The following GABRR3 variants were observed in gnomAD, a reference collection of about 807,000 sequenced individuals.
GABRR3 encodes gamma-aminobutyric acid type A receptor subunit rho3.
Under a neutral mutation model 43.2 loss-of-function variants are expected in GABRR3, and 29 were observed. That is an observed-to-expected ratio of 0.67 (90% confidence interval 0.50 to 0.92). GABRR3 has a LOEUF of 0.92. Among genes scored for constraint, GABRR3 ranks in the 40% least tolerant of loss-of-function variants. The probability of loss-of-function intolerance (pLI) is 0.00; values close to 1 mark genes in which losing one functional copy is unlikely to be tolerated. For synonymous variants in GABRR3, 206 were observed against 195.9 expected (o/e 1.05, Z -0.43); for missense variants, 576 against 572.3 (o/e 1.01, Z -0.07).
At chr3:97,996,795 T>G (rs1421558274) in intron 8 of GABRR3, among the ~76,000 whole-genome samples, 2 of 152,246 alleles carry the variant, frequency 1.3e-5, no homozygotes, top group East Asian at 3.8e-4. Flanking sequence ...CTATTATCTC[T>G]TATGAGAATT....
chr3:98,009,776 G>T (rs138944046), intron 5 of GABRR3, among the ~76,000 whole-genome samples: 1 of 152,200 alleles, frequency 6.6e-6, no homozygotes. Flanking sequence ...GCTCCTACCT[G>T]TGGTGCCCTT....
At chr3:97,986,808 A>T in exon 10 of GABRR3, 1 of 1,612,110 alleles carries the variant, frequency 6.2e-7, no homozygotes, top group South Asian at 1.1e-5. Flanking sequence ...CCTCCTAGGG[A>T]TTTTCTTCTC....
At chr3:97,985,157 T>C (rs1435069678), downstream of GABRR3, among the ~76,000 whole-genome samples, 1 of 152,232 alleles carries the variant, frequency 6.6e-6, no homozygotes, top group Non-Finnish European at 1.5e-5. Context: ...AAAATAGGTA[T>C]CGGAATATTT....
intron 2 of GABRR3, among the ~76,000 whole-genome samples, chr3:98,029,288 A>C (rs928076089): frequency 6.6e-6 from 1 of 152,170 alleles, no homozygotes; most frequent in Non-Finnish European, 1.5e-5. Context: ...TTCCTGGGTC[A>C]CACAAAGAAA....
chr3:97,990,227 GC>G (rs767480525), intron 9 of GABRR3, among the ~76,000 whole-genome samples: 3 of 152,148 alleles, frequency 2.0e-5, no homozygotes, highest in Non-Finnish European at 4.4e-5. Flanking sequence ...CATCATAACA[GC>G]CCTGTGAAGT....
chr3:98,034,181 TGA>T, intron 2 of GABRR3, among the ~76,000 whole-genome samples: 2 of 152,246 alleles, frequency 1.3e-5, no homozygotes, highest in South Asian at 4.1e-4. Flanking sequence ...GGTAGTAGGG[TGA>T]CAAATCATTC....
intron 5 of GABRR3, among the ~76,000 whole-genome samples, chr3:98,009,836 T>C (rs1443776285): frequency 6.6e-6 from 1 of 152,228 alleles, no homozygotes; most frequent in African/African-American, 2.4e-5. Context: ...GCTAATTCTA[T>C]TGTCAATAGT....
chr3:98,023,039 T>G (rs540483325), intron 3 of GABRR3, among the ~76,000 whole-genome samples: 1 of 152,002 alleles, frequency 6.6e-6, no homozygotes, highest in South Asian at 2.1e-4. Context: ...TCTACAGGAG[T>G]GCTTCTCAAA....
At chr3:98,005,261 T>A (rs959369605) in intron 7 of GABRR3, among the ~76,000 whole-genome samples, 68 of 151,964 alleles carry the variant, frequency 4.5e-4, no homozygotes, top group Middle Eastern at 3.4e-3. Context: ...CAGATATGTA[T>A]ATAAGCACTC....
intron 8 of GABRR3, among the ~76,000 whole-genome samples, chr3:97,994,218 C>A (rs963495890): frequency 1.3e-5 from 2 of 152,230 alleles, no homozygotes; most frequent in African/African-American, 4.8e-5. Context: ...ACTGCTTTCA[C>A]CAACACCTTT....
At chr3:98,007,035 G>C (rs1440387434) in intron 7 of GABRR3, among the ~76,000 whole-genome samples, 2 of 152,106 alleles carry the variant, frequency 1.3e-5, no homozygotes, top group Non-Finnish European at 2.9e-5. Context: ...AGAAGAAATG[G>C]TGAGCAAGGC....
chr3:98,017,676 G>C, exon 4 of GABRR3: 1 of 1,610,736 alleles, frequency 6.2e-7, no homozygotes, highest in Non-Finnish European at 8.5e-7. Flanking sequence ...CTGAAATGCT[G>C]TCAATGCTTT....
intron 3 of GABRR3, among the ~76,000 whole-genome samples, chr3:98,021,265 T>A (rs917954837): frequency 2.0e-5 from 3 of 151,930 alleles, no homozygotes; most frequent in Non-Finnish European, 4.4e-5. Context: ...GAGTAGAGAG[T>A]GAGCAGCATG....
downstream of GABRR3, among the ~76,000 whole-genome samples, chr3:97,985,754 T>C (rs1273474975): frequency 6.6e-6 from 1 of 152,210 alleles, no homozygotes; most frequent in East Asian, 1.9e-4. Flanking sequence ...TATTGATGAC[T>C]GATGTATTAA....
chr3:98,005,210 AACACACACACAC>A (rs60490447), intron 7 of GABRR3, among the ~76,000 whole-genome samples: 1 of 147,930 alleles, frequency 6.8e-6, no homozygotes, highest in African/African-American at 2.5e-5. Flanking sequence ...CTAGGCTTTT[AACACACACACAC>A]ACACACACAC....
chr3:98,011,107 AC>A lies in GABRR3; in HGVS notation c.530+1236del, dbSNP rs376863607. On this transcript the variant is annotated intron_variant, in intron 5 of 9. Coordinates refer to ENST00000621172, the Ensembl canonical transcript of GABRR3. Reference sequence around the variant, plus strand: ...ACAGTGAGGCCCTGTTCCTCCCCCAACCCCCCCAAAAAACCCATTGAAAGTG... The same window carrying A: ...ACAGTGAGGCCCTGTTCCTCCCCCAACCCCCCAAAAAACCCATTGAAAGTG... 7.9e-5 allele frequency among the ~76,000 whole-genome samples: 12 copies of A among 151,880 alleles called. No homozygotes were observed. In the East Asian group the frequency reaches 9.7e-4, roughly 12 times the overall value.
intron 5 of GABRR3, among the ~76,000 whole-genome samples, chr3:98,011,976 G>C (rs1407355576): frequency 6.6e-6 from 1 of 152,192 alleles, no homozygotes; most frequent in Non-Finnish European, 1.5e-5. Flanking sequence ...ACTAAGAAAA[G>C]TTATTTAGCT....
intron 9 of GABRR3, among the ~76,000 whole-genome samples, chr3:97,991,757 A>G (rs1419211515): frequency 6.6e-6 from 1 of 152,208 alleles, no homozygotes; most frequent in Non-Finnish European, 1.5e-5. Flanking sequence ...TCGGTGTGAG[A>G]AGAGGATATA....
At chr3:97,992,351 G>T (rs1228112842) in intron 9 of GABRR3, among the ~76,000 whole-genome samples, 2 of 152,134 alleles carry the variant, frequency 1.3e-5, no homozygotes, top group South Asian at 2.1e-4. Flanking sequence ...AGCAAAGCCT[G>T]ATTCCTCTTC....
Sources: gnomAD v4.1 joint callset for allele counts (sites outside exome capture counted in the v4.1 genomes callset) on GRCh38, gnomAD v4.1.1 for gene constraint, MANE v1.5 for transcripts, NCBI Gene and HGNC (gene_info 2026-07-23, HGNC 2026-07-21) for gene names.